TTC27: variants seen among roughly 807,000 people sequenced by gnomAD.
TTC27 encodes tetratricopeptide repeat protein 27.
Under a neutral mutation model 115.9 loss-of-function variants are expected in TTC27, and 79 were observed. The observed-to-expected ratio is 0.68, with a 90% CI of 0.57 to 0.82. The LOEUF (loss-of-function observed/expected upper bound fraction) is 0.82, where lower values mean the gene tolerates loss of function less well. Among genes scored for constraint, TTC27 ranks in the 40% least tolerant of loss-of-function variants. The pLI is 0.00. For synonymous variants in TTC27, 401 were observed against 356.0 expected (o/e 1.13, Z -1.42); for missense variants, 1,054 against 993.1 (o/e 1.06, Z -0.82).
At chr2:32,706,410 C>A (rs543489890) in intron 10 of TTC27, among the ~76,000 whole-genome samples, 63 of 151,936 alleles carry the variant, frequency 4.1e-4, no homozygotes, top group African/African-American at 1.5e-3. Flanking sequence ...ATTATTGTGA[C>A]AAAATTTTAG....
At chr2:32,663,611 G>A (rs750638696) in intron 5 of TTC27, among the ~76,000 whole-genome samples, 2 of 151,884 alleles carry the variant, frequency 1.3e-5, no homozygotes, top group Non-Finnish European at 2.9e-5. Context: ...TGTTCCTATT[G>A]GCCATCTTGA....
intron 7 of TTC27, among the ~76,000 whole-genome samples, chr2:32,670,498 G>T (rs1665972661): frequency 6.6e-6 from 1 of 152,034 alleles, no homozygotes; most frequent in South Asian, 2.1e-4. Flanking sequence ...ATTCATCCAT[G>T]TTGAAATACC....
intron 16 of TTC27, among the ~76,000 whole-genome samples, chr2:32,809,086 G>A (rs1671232342): frequency 6.6e-6 from 1 of 152,174 alleles, no homozygotes; most frequent in Admixed American, 6.5e-5. Flanking sequence ...TGAATTTTCT[G>A]TCTTCTTTTA....
At chr2:32,793,609 C>T (rs971769140) in intron 16 of TTC27, among the ~76,000 whole-genome samples, 5 of 152,142 alleles carry the variant, frequency 3.3e-5, no homozygotes, top group African/African-American at 1.2e-4. Flanking sequence ...TGCAACCTCT[C>T]CTTCCTGGGT....
At chr2:32,680,794 A>G (rs926326480) in intron 9 of TTC27, among the ~76,000 whole-genome samples, 2 of 152,262 alleles carry the variant, frequency 1.3e-5, no homozygotes, top group Admixed American at 6.5e-5. Flanking sequence ...TTATTGCAGC[A>G]TATATATTAC....
At chr2:32,766,114 G>T (rs1209086369) in intron 13 of TTC27, among the ~76,000 whole-genome samples, 2 of 152,196 alleles carry the variant, frequency 1.3e-5, no homozygotes, top group African/African-American at 2.4e-5. Context: ...CTTTCGGCCT[G>T]TCTCAGTTTT....
chr2:32,673,581 T>A (rs1244976535), intron 8 of TTC27, among the ~76,000 whole-genome samples: 1 of 152,202 alleles, frequency 6.6e-6, no homozygotes, highest in African/African-American at 2.4e-5. Flanking sequence ...TTATTCTCAT[T>A]GCATCCTAGC....
chr2:32,655,845 G>C (rs187430829), intron 5 of TTC27, among the ~76,000 whole-genome samples: 255 of 151,648 alleles, frequency 1.7e-3, no homozygotes, highest in Non-Finnish European at 2.2e-3. Context: ...AACTAGAGCT[G>C]TACTATTCAA....
chr2:32,654,697 A>ATTT (rs1202304878), intron 5 of TTC27, among the ~76,000 whole-genome samples: 1 of 140,294 alleles, frequency 7.1e-6, no homozygotes, highest in Non-Finnish European at 1.6e-5. Context: ...TACATGGCTA[A>ATTT]TTTTTTTTTT....
At chr2:32,718,092 A>G (rs998658620) in intron 10 of TTC27, among the ~76,000 whole-genome samples, 6 of 152,156 alleles carry the variant, frequency 3.9e-5, no homozygotes, top group Admixed American at 6.5e-5. Flanking sequence ...CTCTTGCTGG[A>G]TTATATATTG....
In TTC27 at chr2:32,633,937, A is replaced by T. The variant is rs932027363; in HGVS notation, c.328A>T (p.Thr110Ser). The stretch of plus-strand genomic sequence containing the variant: ...GCAACTTTTTGTTCAGAGCAACTGG[A>T]CGGGGCCCCCTGTTGACTTACACCC... ...SLQLFVQSNW[T>S]GPPVDLHPQD... Residue 110 changes from threonine to serine, a missense_variant, in exon 3 of 20, where the codon ACG becomes TCG. Thr to Ser is a moderately conservative substitution (Grantham distance 58, BLOSUM62 1). Coordinates refer to ENST00000317907, the MANE Select transcript of TTC27 (RefSeq NM_017735.5). 1 of 1,614,010 alleles carries T rather than the reference A, an allele frequency of 6.2e-7. No individual in the cohort carries two copies. The highest frequency in any genetic ancestry group is 1.1e-5 in the South Asian group (1 of 91,060).
At chr2:32,812,724 T>G in intron 18 of TTC27, 109 bp downstream of exon 18, 1 of 757,856 alleles carries the variant, frequency 1.3e-6, no homozygotes, top group Admixed American at 2.3e-5. Context: ...ATCAAATTAT[T>G]TCATTATATT....
At chr2:32,796,050 T>C (rs1005284596) in intron 16 of TTC27, among the ~76,000 whole-genome samples, 1 of 152,134 alleles carries the variant, frequency 6.6e-6, no homozygotes, top group Non-Finnish European at 1.5e-5. Flanking sequence ...ATCTTGTATG[T>C]AGAAAATGCT....
At chr2:32,666,799 T>G in intron 7 of TTC27, 31 bp downstream of exon 7, 1 of 1,607,024 alleles carries the variant, frequency 6.2e-7, no homozygotes, top group Non-Finnish European at 8.5e-7. Flanking sequence ...TTAAATTCAA[T>G]TAACACCTGA....
At chr2:32,803,378 G>A (rs932809158) in intron 16 of TTC27, among the ~76,000 whole-genome samples, 14 of 152,170 alleles carry the variant, frequency 9.2e-5, no homozygotes, top group African/African-American at 3.1e-4. Context: ...TGCTGTTTCA[G>A]TCTCTCCATG....
At chr2:32,671,127 T>C (rs531272068) in intron 7 of TTC27, among the ~76,000 whole-genome samples, 1 of 152,346 alleles carries the variant, frequency 6.6e-6, no homozygotes, top group South Asian at 2.1e-4. Context: ...TTATAATTCA[T>C]ACTTTTTGTA....
At chr2:32,744,364 A>AT in intron 12 of TTC27, among the ~76,000 whole-genome samples, 1 of 152,094 alleles carries the variant, frequency 6.6e-6, no homozygotes, top group Non-Finnish European at 1.5e-5. Context: ...ACTATTAGTA[A>AT]TTTTTTTCTC....
chr2:32,784,097 G>T (rs1440246701), intron 15 of TTC27, among the ~76,000 whole-genome samples: 5 of 152,106 alleles, frequency 3.3e-5, no homozygotes, highest in African/African-American at 7.2e-5. Context: ...AAAGCAACAG[G>T]CTCGGAAGTC....
At chr2:32,768,356 T>C (rs904312441) in intron 13 of TTC27, among the ~76,000 whole-genome samples, 3 of 152,252 alleles carry the variant, frequency 2.0e-5, no homozygotes, top group African/African-American at 7.2e-5. Flanking sequence ...TTGATAAATA[T>C]GTTTATTTAA....
Sources: allele counts gnomAD v4.1 joint callset (sites outside exome capture counted in the v4.1 genomes callset), GRCh38; gene constraint gnomAD v4.1.1; transcripts MANE v1.5; gene names NCBI Gene and HGNC (gene_info 2026-07-23, HGNC 2026-07-21).